Variants in GPC6 observed in about 807,000 individuals in gnomAD.
GPC6 encodes glypican-6.
A neutral mutation model predicts 55.2 loss-of-function variants in GPC6; 14 were observed. The observed-to-expected ratio is 0.25, with a 90% CI of 0.17 to 0.40. GPC6 has a LOEUF of 0.40. Among genes scored for constraint, GPC6 ranks in the 10% least tolerant of loss-of-function variants. The pLI, the probability that GPC6 is intolerant of heterozygous loss-of-function variation, is 1.00. For synonymous variants in GPC6, 278 were observed against 259.6 expected (o/e 1.07, Z -0.68); for missense variants, 641 against 708.5 (o/e 0.90, Z 1.08).
intron 1 of GPC6, among the ~76,000 whole-genome samples, chr13:93,368,665 G>C (rs959440274): frequency 1.3e-5 from 2 of 151,870 alleles, no homozygotes; most frequent in African/African-American, 4.8e-5. Context: ...CCAACAAGCA[G>C]GTTACTGGTA....
rs7984578 is a variant in GPC6, at chr13:93,761,566, C to T, written c.320-68588C>T. Among the ~76,000 whole-genome samples the T allele has an allele frequency of 1.4e-4, 21 of 152,092 alleles. 1 individual carries two copies. The highest frequency in any genetic ancestry group is 1.2e-3 in the Admixed American group (19 of 15,288). On this transcript the variant is annotated intron_variant, in intron 2 of 8. Transcript: ENST00000377047. ...TCATCTTGCTCTGGTGCCCAGGCTGCAGTGCAGTGGTGCAATCATAGCTCC... is the reference window on the plus strand; with the variant it reads ...TCATCTTGCTCTGGTGCCCAGGCTGTAGTGCAGTGGTGCAATCATAGCTCC...
At chr13:94,357,574 T>C (rs536781383) in intron 6 of GPC6, among the ~76,000 whole-genome samples, 1 of 152,336 alleles carries the variant, frequency 6.6e-6, no homozygotes, top group Admixed American at 6.5e-5. Flanking sequence ...CCTCGCTCCT[T>C]GAACCCTCCC....
At chr13:93,267,872 A>G (rs537347305) in intron 1 of GPC6, among the ~76,000 whole-genome samples, 12 of 152,286 alleles carry the variant, frequency 7.9e-5, no homozygotes, top group South Asian at 2.1e-4. Context: ...ATATGCTTAG[A>G]TGGGCAGACA....
intron 2 of GPC6, among the ~76,000 whole-genome samples, chr13:93,640,869 A>C (rs1415348212): frequency 2.0e-4 from 24 of 118,496 alleles, no homozygotes; most frequent in South Asian, 5.4e-4. Flanking sequence ...CTCCCCTCCC[A>C]CCCTTCTTCC....
intron 1 of GPC6, among the ~76,000 whole-genome samples, chr13:93,489,670 T>C (rs1333284310): frequency 6.6e-6 from 1 of 151,624 alleles, no homozygotes; most frequent in Non-Finnish European, 1.5e-5. Flanking sequence ...GTAGTTCTCC[T>C]TGAAGAGGTC....
rs1414996126 is a variant in GPC6, at chr13:93,491,871, T to C, written c.161-53392T>C. 3.8e-5 allele frequency among the ~76,000 whole-genome samples: 4 copies of C among 104,330 alleles called. 1 individual carries two copies. Among genetic ancestry groups the C allele is most frequent in the African/African-American group, 1.4e-4 (4 of 28,090 alleles). 68.4% of individuals were successfully genotyped at this position (104,330 alleles called of 152,430 possible). ...TTTCTGAGGGCTCTGTTCTGCTCCA[T>C]TGATCTTTATCTCTGTTTTGGTACC... On this transcript the variant is annotated intron_variant, in intron 1 of 8. Coordinates refer to ENST00000377047, the MANE Select transcript of GPC6 (RefSeq NM_005708.5).
chr13:93,885,975 G>A (rs1875300462), intron 3 of GPC6, among the ~76,000 whole-genome samples: 1 of 151,948 alleles, frequency 6.6e-6, no homozygotes, highest in South Asian at 2.1e-4. Context: ...ATGTAGAGAA[G>A]GCACTGTGTT....
chr13:93,871,966 A>G (rs1223830291), intron 3 of GPC6, among the ~76,000 whole-genome samples: 1 of 151,764 alleles, frequency 6.6e-6, no homozygotes, highest in Non-Finnish European at 1.5e-5. Flanking sequence ...CTATTTTTCT[A>G]GATAAGAGGC....
chr13:93,802,549 C>T (rs973779634), intron 2 of GPC6, among the ~76,000 whole-genome samples: 2 of 152,010 alleles, frequency 1.3e-5, no homozygotes, highest in East Asian at 1.9e-4. Context: ...AGGTGTATAA[C>T]CACCAATCCT....
intron 2 of GPC6, among the ~76,000 whole-genome samples, chr13:93,655,421 T>C (rs1036283954): frequency 2.6e-5 from 4 of 152,092 alleles, no homozygotes; most frequent in Non-Finnish European, 5.9e-5. Context: ...TATAGCTGTC[T>C]CCAAATACCA....
chr13:93,467,575 C>CTTTTTTTT (rs11426472), intron 1 of GPC6, among the ~76,000 whole-genome samples: 7 of 74,020 alleles, frequency 9.5e-5, no homozygotes, highest in East Asian at 4.4e-4. Flanking sequence ...AGCTGTGATT[C>CTTTTTTTT]TTTTTTTTTT....
chr13:93,649,853 T>C (rs1353549099), intron 2 of GPC6, among the ~76,000 whole-genome samples: 1 of 152,190 alleles, frequency 6.6e-6, no homozygotes, highest in Non-Finnish European at 1.5e-5. Context: ...ACACAATATT[T>C]TAAATATCCA....
chr13:94,020,275 G>A (rs1009851535), intron 3 of GPC6, among the ~76,000 whole-genome samples: 3 of 152,028 alleles, frequency 2.0e-5, no homozygotes, highest in South Asian at 2.1e-4. Context: ...TAATTTTCAC[G>A]TCCTTGTGAA....
chr13:94,094,563 A>G (rs1270447938), intron 4 of GPC6, among the ~76,000 whole-genome samples: 1 of 152,140 alleles, frequency 6.6e-6, no homozygotes, highest in Admixed American at 6.5e-5. Flanking sequence ...AATGTTTTCC[A>G]TCCATTTTTT....
At chr13:94,302,933 C>A (rs887523098) in intron 5 of GPC6, among the ~76,000 whole-genome samples, 1 of 152,216 alleles carries the variant, frequency 6.6e-6, no homozygotes, top group Admixed American at 6.5e-5. Flanking sequence ...TGAATTAGGA[C>A]AAACCGAGGC....
At chr13:93,497,660 T>C (rs1880357016) in intron 1 of GPC6, among the ~76,000 whole-genome samples, 1 of 152,226 alleles carries the variant, frequency 6.6e-6, no homozygotes, top group Non-Finnish European at 1.5e-5. Flanking sequence ...TGAAGGACAA[T>C]TGATAACGTA....
chr13:93,748,043 TATG>T (rs1157149811), intron 2 of GPC6, among the ~76,000 whole-genome samples: 2 of 152,154 alleles, frequency 1.3e-5, no homozygotes, highest in African/African-American at 2.4e-5. Flanking sequence ...TCGATGAAAA[TATG>T]ATGTTGTGAC....
intron 5 of GPC6, among the ~76,000 whole-genome samples, chr13:94,299,606 A>G (rs1400822625): frequency 6.6e-6 from 1 of 152,224 alleles, no homozygotes; most frequent in Non-Finnish European, 1.5e-5. Flanking sequence ...CTTCAGCCAT[A>G]TTCGGACACA....
chr13:94,032,990 G>T (rs954573580), intron 4 of GPC6, among the ~76,000 whole-genome samples: 1 of 152,092 alleles, frequency 6.6e-6, no homozygotes, highest in Non-Finnish European at 1.5e-5. Context: ...ACTTTGTTTT[G>T]GTTTAGGCAT....
Sources: gnomAD v4.1 joint callset for allele counts (sites outside exome capture counted in the v4.1 genomes callset) on GRCh38, gnomAD v4.1.1 for gene constraint, MANE v1.5 for transcripts, NCBI Gene and HGNC (gene_info 2026-07-23, HGNC 2026-07-21) for gene names.